RBFOX3: variants seen among roughly 807,000 people sequenced by gnomAD.
RBFOX3 encodes RNA binding protein fox-1 homolog 3.
RBFOX3 carries 17 observed loss-of-function variants against 48.7 expected under a neutral mutation model. That is an observed-to-expected ratio of 0.35 (90% CI 0.24 to 0.52). RBFOX3 has a LOEUF of 0.52. RBFOX3 is among the 20% of genes least tolerant of loss of function. The pLI is 0.94. For missense variants in RBFOX3, 382 were observed against 497.5 expected (o/e 0.77, Z 2.21); for synonymous variants, 212 against 209.5 (o/e 1.01, Z -0.10).
intron 2 of RBFOX3, among the ~76,000 whole-genome samples, chr17:79,322,818 C>A (rs11651982): frequency 2.0e-5 from 3 of 152,032 alleles, no homozygotes; most frequent in Non-Finnish European, 4.4e-5. Flanking sequence ...GTGAGCTGAC[C>A]GGCAGCACTG....
chr17:79,196,913 C>T (rs1033413937), intron 4 of RBFOX3, among the ~76,000 whole-genome samples: 14 of 152,108 alleles, frequency 9.2e-5, no homozygotes, highest in African/African-American at 2.7e-4. Flanking sequence ...AGGGGTGTGC[C>T]GTGGAAGTGT....
chr17:79,437,239 G>A (rs1228822880), intron 2 of RBFOX3, among the ~76,000 whole-genome samples: 3 of 152,158 alleles, frequency 2.0e-5, no homozygotes, highest in Admixed American at 6.5e-5. Context: ...CCCAGAGGTT[G>A]GCTGGTGCCT....
intron 1 of RBFOX3, among the ~76,000 whole-genome samples, chr17:79,494,872 G>C (rs368990977): frequency 7.9e-4 from 121 of 152,332 alleles, no homozygotes; most frequent in African/African-American, 2.8e-3. Flanking sequence ...ACACCCAACA[G>C]AGGCACAAGA....
chr17:79,115,688 ACTGGGCGGGGGGGTAGGG>A lies in RBFOX3; in HGVS notation c.10_27del (p.Pro4_Gln9del). Reference sequence around the variant, plus strand: ...ATGCCGTTCTGTGGCGGAGGGGGGTACTGGGCGGGGGGGTAGGGCTGGGCCATCGCTTCAGGCGGAGCC... The same window carrying A: ...ATGCCGTTCTGTGGCGGAGGGGGGTACTGGGCCATCGCTTCAGGCGGAGCC... On this transcript the variant is annotated inframe_deletion, in exon 5 of 15. Transcript: ENST00000693108. The A allele has an allele frequency of 4.2e-6, 1 of 235,440 alleles. No homozygotes were observed. Among genetic ancestry groups the A allele is most frequent in the Non-Finnish European group, 7.3e-6 (1 of 137,458 alleles). The allele number at this position is 235,440 out of a possible 1,614,324, so 14.6% of individuals were successfully genotyped here.
chr17:79,216,601 G>C (rs1361506258), intron 4 of RBFOX3, among the ~76,000 whole-genome samples: 1 of 152,284 alleles, frequency 6.6e-6, no homozygotes, highest in Non-Finnish European at 1.5e-5. Flanking sequence ...CAGAGCACAG[G>C]CCCCACGGCT....
At chr17:79,662,143 T>TTTTTTTTTTTTTTTG in the RBFOX3 span, among the ~76,000 whole-genome samples, 2 of 144,828 alleles carry the variant, frequency 1.4e-5, no homozygotes, top group African/African-American at 5.1e-5. Context: ...TTTTTTTTTT[T>TTTTTTTTTTTTTTTG]GAGTCGGAGT....
chr17:79,612,095 T>A (rs2093974015), upstream of RBFOX3, among the ~76,000 whole-genome samples: 1 of 152,158 alleles, frequency 6.6e-6, no homozygotes, highest in African/African-American at 2.4e-5. Context: ...AGCCCACCAC[T>A]GGCACACAAC....
intron 1 of RBFOX3, among the ~76,000 whole-genome samples, chr17:79,595,472 G>A (rs982602715): frequency 3.9e-5 from 6 of 152,344 alleles, no homozygotes; most frequent in South Asian, 4.1e-4. Flanking sequence ...CGGTTCTGCC[G>A]TCTTTCTTTT....
At chr17:79,354,798 C>A (rs2084652981) in intron 2 of RBFOX3, among the ~76,000 whole-genome samples, 2 of 152,212 alleles carry the variant, frequency 1.3e-5, no homozygotes, top group South Asian at 2.1e-4. Flanking sequence ...CCATATTTCA[C>A]GATTAATCAT....
At chr17:79,245,539 C>G (rs765889231) in intron 3 of RBFOX3, among the ~76,000 whole-genome samples, 6 of 148,396 alleles carry the variant, frequency 4.0e-5, no homozygotes. Flanking sequence ...CCACCGCTCA[C>G]CCCCTCAGTC....
chr17:79,322,517 G>A (rs1309337030), intron 2 of RBFOX3, among the ~76,000 whole-genome samples: 1 of 152,200 alleles, frequency 6.6e-6, no homozygotes, highest in Non-Finnish European at 1.5e-5. Flanking sequence ...AGATTGCAGA[G>A]CTGAGGACCT....
upstream of RBFOX3, among the ~76,000 whole-genome samples, chr17:79,614,483 C>CA (rs1162976213): frequency 1.4e-4 from 21 of 151,670 alleles, no homozygotes; most frequent in African/African-American, 3.9e-4. Flanking sequence ...TTGCAGCCCC[C>CA]CTAAGGTGAG....
rs374193132 is a variant in RBFOX3, at chr17:79,481,789, T to C, written c.-175+665A>G. The stretch of plus-strand genomic sequence containing the variant: ...TTTTAGTGTAGTGCTTTTTTGTTGC[T>C]GTCGTTCTGTGAACTGTAGCAAATT... On this transcript the variant is annotated intron_variant, in intron 2 of 14. Coordinates refer to ENST00000693108, the MANE Select transcript of RBFOX3 (RefSeq NM_001350451.2). The surrounding 1 kb of genome is among the most constrained non-coding windows in gnomAD (Gnocchi z 5.4). 5.9e-5 allele frequency among the ~76,000 whole-genome samples: 9 copies of C among 152,198 alleles called. No homozygotes were observed. Among genetic ancestry groups the C allele is most frequent in the Non-Finnish European group, 1.2e-4 (8 of 68,034 alleles).
the RBFOX3 span, among the ~76,000 whole-genome samples, chr17:79,645,676 G>A: frequency 6.6e-5 from 10 of 152,272 alleles, no homozygotes; most frequent in East Asian, 1.9e-4. Flanking sequence ...CCAGTTCACC[G>A]TCTTTCCCTT....
rs111067598 is a variant in RBFOX3 at position 79,412,613 on chromosome 17, G to A, written c.-175+69841C>T. On this transcript the variant is annotated intron_variant, in intron 2 of 14. Transcript: ENST00000693108. ...GTGTATATATGTGTGAAGGCATGGT[G>A]TTATGTGTGTGTGAATGTGTGCATG... Among the ~76,000 whole-genome samples, 873 of 151,302 alleles carry A rather than the reference G, an allele frequency of 5.8e-3. 10 individuals carry two copies. The highest frequency in any genetic ancestry group is 0.02 in the African/African-American group (822 of 41,180).
rs926443366 is a variant in RBFOX3, at chr17:79,243,859, G to A, written c.-73-8054C>T. Among the ~76,000 whole-genome samples, 34 of 152,138 alleles carry A rather than the reference G, an allele frequency of 2.2e-4. 1 individual carries two copies. Among genetic ancestry groups the A allele is most frequent in the Admixed American group, 2.0e-4 (3 of 15,282 alleles). ...CAATGCCACCAAGCAGATGGCAGTG[G>A]AGGAGACAGAGACCCCACTGAGGAT... On this transcript the variant is annotated intron_variant, in intron 3 of 14. Coordinates refer to ENST00000693108, the MANE Select transcript of RBFOX3 (RefSeq NM_001350451.2). This position sits in a 1 kb window ranked among gnomAD's most constrained non-coding sequence, Gnocchi z 7.9.
chr17:79,585,056 C>T (rs1488509351), intron 1 of RBFOX3, among the ~76,000 whole-genome samples: 2 of 151,790 alleles, frequency 1.3e-5, no homozygotes, highest in African/African-American at 4.8e-5. Context: ...TGAGCCACGG[C>T]GCCCAGCCGA....
At chr17:79,627,753 T>C in the RBFOX3 span, among the ~76,000 whole-genome samples, 1 of 152,266 alleles carries the variant, frequency 6.6e-6, no homozygotes, top group African/African-American at 2.4e-5. Context: ...CCTCCTTCTC[T>C]GGGCAGCTCG....
At position 79,249,753 on chromosome 17, in the gene RBFOX3, C is replaced by T. The variant is rs549824294; in HGVS notation, c.-73-13948G>A. 2.0e-5 allele frequency among the ~76,000 whole-genome samples: 3 copies of T among 152,160 alleles called. No individual in the cohort carries two copies. The highest frequency in any genetic ancestry group is 7.2e-5 in the African/African-American group (3 of 41,420). ...CCCCTGTGAACCCCCATTCCCTCTG[C>T]CTCCCGACCAAACCTGGTACCTCCC... On this transcript the variant is annotated intron_variant, in intron 3 of 14. Transcript: ENST00000693108. This position sits in a 1 kb window ranked among gnomAD's most constrained non-coding sequence, Gnocchi z 4.1.
Sources: gnomAD v4.1 joint callset for allele counts (sites outside exome capture counted in the v4.1 genomes callset) on GRCh38, gnomAD v4.1.1 for gene constraint, Gnocchi (gnomAD v3.1) non-coding constraint, MANE v1.5 for transcripts, NCBI Gene and HGNC (gene_info 2026-07-23, HGNC 2026-07-21) for gene names.